ARSB: variants seen among roughly 807,000 people sequenced by gnomAD.
ARSB encodes the protein N-acetylgalactosamine-4-sulfatase.
ARSB carries 41 observed loss-of-function variants against 50.9 expected under a neutral mutation model. That is an observed-to-expected ratio of 0.81 (90% CI 0.63 to 1.04). The LOEUF (loss-of-function observed/expected upper bound fraction) is 1.04. Ranked by LOEUF, ARSB falls within the 50% of genes least tolerant of loss-of-function variation. The pLI, the probability that ARSB is intolerant of heterozygous loss-of-function variation, is 0.00. For missense variants in ARSB, 672 were observed against 693.3 expected (o/e 0.97, Z 0.35); for synonymous variants, 269 against 284.8 (o/e 0.94, Z 0.56).
chr5:78,811,545 A>G (rs993633715), intron 6 of ARSB, among the ~76,000 whole-genome samples: 1 of 152,222 alleles, frequency 6.6e-6, no homozygotes, highest in African/African-American at 2.4e-5. Context: ...ATTTTTTTTA[A>G]AGGACAAAAG....
Position 78,780,792 on chromosome 5 carries a change from T to C in ARSB, c.1337-130A>G. The C allele has an allele frequency of 2.7e-6, 3 of 1,108,778 alleles. No homozygotes were observed. The South Asian group carries it at 4.1e-5, about 15-fold the overall frequency. 68.7% of individuals were successfully genotyped at this position (1,108,778 alleles called of 1,614,324 possible). On this transcript the variant is annotated intron_variant, in intron 7 of 7. Transcript: ENST00000264914. ...AAACATAAAAAGATGCGGCCCTAGA[T>C]GCTGTCTCTAGATGCTTCTCAGACT...
At chr5:78,790,522 T>C (rs887054367) in intron 6 of ARSB, among the ~76,000 whole-genome samples, 1 of 152,216 alleles carries the variant, frequency 6.6e-6, no homozygotes, top group Non-Finnish European at 1.5e-5. Flanking sequence ...TATATAGTGC[T>C]TAGTAGAATA....
intron 6 of ARSB, among the ~76,000 whole-genome samples, chr5:78,828,017 A>T (rs1311407533): frequency 6.6e-6 from 1 of 152,164 alleles, no homozygotes; most frequent in Non-Finnish European, 1.5e-5. Context: ...GGACAACAGC[A>T]ATAGCTGTTT....
chr5:78,815,665 A>G, intron 6 of ARSB: 1 of 1,010,534 alleles, frequency 9.9e-7, no homozygotes, highest in South Asian at 4.1e-5. Flanking sequence ...AACATTATTC[A>G]CTGGGATGCT....
At chr5:78,922,899 G>C (rs1648007588) in intron 4 of ARSB, among the ~76,000 whole-genome samples, 1 of 151,984 alleles carries the variant, frequency 6.6e-6, no homozygotes, top group African/African-American at 2.4e-5. Flanking sequence ...TGGGATTACA[G>C]GCATGAACCA....
At chr5:78,863,934 A>G (rs551798504) in intron 5 of ARSB, among the ~76,000 whole-genome samples, 30 of 152,160 alleles carry the variant, frequency 2.0e-4, no homozygotes, top group African/African-American at 6.0e-4. Flanking sequence ...AGATTTTCAT[A>G]GAATAATGGT....
intron 4 of ARSB, among the ~76,000 whole-genome samples, chr5:78,939,699 G>C (rs1005082954): frequency 2.6e-5 from 4 of 152,138 alleles, no homozygotes; most frequent in Non-Finnish European, 4.4e-5. Context: ...CATTTGGGTT[G>C]GTTCCAAGTC....
intron 5 of ARSB, chr5:78,883,280 G>A (rs1257425981): frequency 6.6e-6 from 1 of 152,204 alleles, no homozygotes; most frequent in African/African-American, 2.4e-5. Flanking sequence ...TTTCTGGTGA[G>A]AGAAAAGGTT....
intron 4 of ARSB, among the ~76,000 whole-genome samples, chr5:78,950,068 T>C (rs886148116): frequency 6.6e-6 from 1 of 152,182 alleles, no homozygotes; most frequent in Non-Finnish European, 1.5e-5. Flanking sequence ...CTTAACTCAT[T>C]TTACTCCAGG....
At chr5:78,854,182 G>A (rs1161798342) in intron 5 of ARSB, among the ~76,000 whole-genome samples, 1 of 152,238 alleles carries the variant, frequency 6.6e-6, no homozygotes, top group African/African-American at 2.4e-5. Context: ...GACCGGAGCT[G>A]TTCCTATTCA....
In ARSB at chr5:78,890,162, C is replaced by T. The variant is rs77589018; in HGVS notation, c.899-4335G>A. The stretch of plus-strand genomic sequence containing the variant: ...TGTCTTAGTACACATCTAAAGGATT[C>T]GGTAAATTCAATCTTCTCCTGCTAA... On this transcript the variant is annotated intron_variant, in intron 4 of 7. Transcript: ENST00000264914. Among the ~76,000 whole-genome samples, 324 of 151,814 alleles carry T rather than the reference C, an allele frequency of 2.1e-3. 2 individuals are homozygous for T. Among genetic ancestry groups the T allele is most frequent in the African/African-American group, 7.5e-3 (309 of 41,376 alleles).
intron 1 of ARSB, among the ~76,000 whole-genome samples, chr5:78,978,571 A>C (rs1395829331): frequency 6.6e-6 from 1 of 152,212 alleles, no homozygotes; most frequent in East Asian, 1.9e-4. Flanking sequence ...AAAGAATAAC[A>C]AAATTGGAAG....
At chr5:78,878,730 T>C (rs1473969750) in intron 5 of ARSB, among the ~76,000 whole-genome samples, 2 of 152,198 alleles carry the variant, frequency 1.3e-5, no homozygotes, top group African/African-American at 4.8e-5. Context: ...GAAAAGTCTT[T>C]ATAATGACAT....
intron 5 of ARSB, among the ~76,000 whole-genome samples, chr5:78,840,943 T>C (rs1745171889): frequency 6.6e-6 from 1 of 152,004 alleles, no homozygotes; most frequent in Non-Finnish European, 1.5e-5. Context: ...GTAAAGAAAA[T>C]GGTAAATATG....
At chr5:78,936,315 G>A (rs1210570304) in intron 4 of ARSB, among the ~76,000 whole-genome samples, 1 of 151,124 alleles carries the variant, frequency 6.6e-6, no homozygotes, top group Non-Finnish European at 1.5e-5. Context: ...GTAGACATAA[G>A]GTTTTGCCAT....
chr5:78,827,235 G>C (rs1744473961), intron 6 of ARSB, among the ~76,000 whole-genome samples: 1 of 151,786 alleles, frequency 6.6e-6, no homozygotes, highest in Non-Finnish European at 1.5e-5. Flanking sequence ...TTGAAATAGA[G>C]TCTTGCTCTG....
At chr5:78,960,705 C>T (rs544940821) in intron 3 of ARSB, among the ~76,000 whole-genome samples, 89 of 152,258 alleles carry the variant, frequency 5.8e-4, no homozygotes, top group African/African-American at 1.9e-3. Context: ...GCTGGGATTA[C>T]AGGTGCATGC....
intron 6 of ARSB, among the ~76,000 whole-genome samples, chr5:78,830,384 T>C (rs565710938): frequency 6.6e-6 from 1 of 152,312 alleles, no homozygotes; most frequent in Non-Finnish European, 1.5e-5. Flanking sequence ...TCAGGTCAGC[T>C]TCTGTGATCT....
chr5:78,928,092 C>T (rs1750134021), intron 4 of ARSB, among the ~76,000 whole-genome samples: 1 of 152,082 alleles, frequency 6.6e-6, no homozygotes, highest in African/African-American at 2.4e-5. Context: ...CATTAACCAT[C>T]ATCAAGATTT....
Sources: gnomAD v4.1 joint callset for allele counts (sites outside exome capture counted in the v4.1 genomes callset) on GRCh38, gnomAD v4.1.1 for gene constraint, MANE v1.5 for transcripts, NCBI Gene and HGNC (gene_info 2026-07-23, HGNC 2026-07-21) for gene names.